The following IL1RAPL2 variants were observed in gnomAD, a reference collection of about 807,000 sequenced individuals.
IL1RAPL2 encodes the protein X-linked interleukin-1 receptor accessory protein-like 2.
In IL1RAPL2, 3 loss-of-function variants were observed where a neutral mutation model predicts 44.1. The ratio of observed to expected loss-of-function variants is 0.07; its 90% confidence interval spans 0.03 to 0.18. IL1RAPL2 has a LOEUF of 0.18. IL1RAPL2 is among the 10% of genes least tolerant of loss of function. IL1RAPL2 has a pLI of 1.00. For synonymous variants in IL1RAPL2, 181 were observed against 178.8 expected (o/e 1.01, Z -0.10); for missense variants, 391 against 496.4 (o/e 0.79, Z 2.02).
chrX:105,500,688 A>G (rs191574210), intron 6 of IL1RAPL2, among the ~76,000 whole-genome samples: 2 of 112,087 alleles, frequency 1.8e-5, no homozygotes, highest in East Asian at 5.6e-4. Flanking sequence ...AATCTCTTAC[A>G]TAACTCTCCC....
intron 6 of IL1RAPL2, among the ~76,000 whole-genome samples, chrX:105,679,476 A>AAAAG (rs778200983): frequency 8.9e-6 from 1 of 112,385 alleles, no homozygotes; most frequent in East Asian, 2.8e-4. Context: ...AATAAAAGTC[A>AAAAG]AAAGAGCTAA....
At chrX:104,789,284 G>A (rs761779237) in intron 2 of IL1RAPL2, among the ~76,000 whole-genome samples, 1 of 111,574 alleles carries the variant, frequency 9.0e-6, no homozygotes, top group South Asian at 3.8e-4. Flanking sequence ...TTCAACTCTT[G>A]CCCTCATCCC....
intron 2 of IL1RAPL2, among the ~76,000 whole-genome samples, chrX:105,177,713 G>T (rs1569398055): frequency 9.0e-6 from 1 of 111,237 alleles, no homozygotes; most frequent in African/African-American, 3.3e-5. Context: ...ACCCTATCTG[G>T]CTCTACTCCC....
chrX:104,946,840 A>T (rs1401821865), intron 2 of IL1RAPL2, among the ~76,000 whole-genome samples: 1 of 94,476 alleles, frequency 1.1e-5, no homozygotes, highest in Non-Finnish European at 2.1e-5. Flanking sequence ...GTTGGTTCCA[A>T]GTCTTTGCTA....
chrX:105,010,532 C>T (rs1049197230), intron 2 of IL1RAPL2, among the ~76,000 whole-genome samples: 1 of 111,433 alleles, frequency 9.0e-6, no homozygotes, highest in African/African-American at 3.2e-5. Context: ...GGCCATTTCC[C>T]CCACCTTAAT....
At chrX:105,191,020 G>T (rs2033628365) in intron 2 of IL1RAPL2, among the ~76,000 whole-genome samples, 1 of 112,061 alleles carries the variant, frequency 8.9e-6, no homozygotes, top group African/African-American at 3.2e-5. Context: ...AAAATAAATT[G>T]CATAGATGCT....
At position 105,233,901 on chromosome X, in the gene IL1RAPL2, G is replaced by C; in HGVS notation, c.440G>C (p.Arg147Pro). 8.3e-7 allele frequency: 1 copy of C among 1,209,744 alleles called. No homozygotes were observed. The highest frequency in any genetic ancestry group is 1.1e-6 in the Non-Finnish European group (1 of 893,734). The change falls in exon 4 of 11, where the codon CGC becomes CCC. Residue 147 changes from arginine to proline, a missense_variant. By Grantham distance (103) the Arg-to-Pro change is moderately radical. This residue lies in a region of IL1RAPL2 where 159 missense variants were observed against 251.7 expected (regional missense o/e 0.63). Coordinates refer to ENST00000372582, the MANE Select transcript of IL1RAPL2 (RefSeq NM_017416.2). ...ESGLCYNSRI[R>P]YLEKSEVTKR... ...GGCCTGTGCTACAACAGCAGGATCC[G>C]CTATTTAGAAAAATCTGAAGTCACT...
chrX:104,914,286 A>G (rs184594577), intron 2 of IL1RAPL2, among the ~76,000 whole-genome samples: 2 of 111,992 alleles, frequency 1.8e-5, no homozygotes, highest in East Asian at 5.7e-4. Context: ...TTGGTTAGAA[A>G]GGGTTACGCA....
At chrX:104,950,867 C>A (rs1011805133) in intron 2 of IL1RAPL2, among the ~76,000 whole-genome samples, 2 of 110,912 alleles carry the variant, frequency 1.8e-5, no homozygotes, top group Non-Finnish European at 3.8e-5. Flanking sequence ...GCCACCTCGC[C>A]CGGCTAATTC....
At chrX:104,690,996 G>A (rs914044186) in intron 2 of IL1RAPL2, among the ~76,000 whole-genome samples, 1 of 111,656 alleles carries the variant, frequency 9.0e-6, no homozygotes, top group Non-Finnish European at 1.9e-5. Flanking sequence ...ATTGGTTAAT[G>A]TCCAGGGGTA....
intron 6 of IL1RAPL2, among the ~76,000 whole-genome samples, chrX:105,627,978 A>G (rs2037465121): frequency 9.0e-6 from 1 of 111,413 alleles, no homozygotes; most frequent in Admixed American, 9.5e-5. Context: ...AGGCCAGACC[A>G]TGTCAGCAGA....
intron 5 of IL1RAPL2, among the ~76,000 whole-genome samples, chrX:105,417,867 G>A (rs1051264355): frequency 9.0e-6 from 1 of 111,660 alleles, no homozygotes; most frequent in Non-Finnish European, 1.9e-5. Context: ...AATATGACAC[G>A]TATGCTTACA....
At chrX:105,624,559 A>G (rs761472255) in intron 6 of IL1RAPL2, among the ~76,000 whole-genome samples, 1 of 111,770 alleles carries the variant, frequency 8.9e-6, no homozygotes, top group African/African-American at 3.3e-5. Flanking sequence ...GAGATCATCT[A>G]TACATAAGTA....
At chrX:105,241,686 T>A (rs373004451) in intron 4 of IL1RAPL2, among the ~76,000 whole-genome samples, 2 of 112,084 alleles carry the variant, frequency 1.8e-5, no homozygotes, top group Non-Finnish European at 3.8e-5. Flanking sequence ...TTTATTTCAA[T>A]GTTCAATTTA....
At chrX:105,482,769 A>G (rs777723963) in intron 5 of IL1RAPL2, among the ~76,000 whole-genome samples, 1 of 111,198 alleles carries the variant, frequency 9.0e-6, no homozygotes, top group Non-Finnish European at 1.9e-5. Context: ...AAGCTAGTCA[A>G]TTAATGGTGG....
At chrX:105,432,765 C>G (rs1175480039) in intron 5 of IL1RAPL2, among the ~76,000 whole-genome samples, 1 of 111,228 alleles carries the variant, frequency 9.0e-6, no homozygotes, top group African/African-American at 3.3e-5. Context: ...ATACCAATTT[C>G]AGAGTGCCAG....
intron 3 of IL1RAPL2, among the ~76,000 whole-genome samples, chrX:105,211,429 C>T (rs782731113): frequency 4.5e-5 from 5 of 110,895 alleles, no homozygotes; most frequent in South Asian, 3.9e-4. Context: ...ACTGCCATGT[C>T]GATTTGAGTC....
chrX:105,350,108 T>C (rs1171361643), intron 5 of IL1RAPL2, among the ~76,000 whole-genome samples: 2 of 112,177 alleles, frequency 1.8e-5, no homozygotes, highest in Non-Finnish European at 3.8e-5. Context: ...GCCTCAACTT[T>C]GGTGATAGCT....
intron 5 of IL1RAPL2, among the ~76,000 whole-genome samples, chrX:105,309,699 T>A (rs1383022232): frequency 9.7e-6 from 1 of 103,372 alleles, no homozygotes; most frequent in East Asian, 3.1e-4. Flanking sequence ...GCCACTGCAC[T>A]CCAGCCTGGC....
Sources: allele counts gnomAD v4.1 joint callset (sites outside exome capture counted in the v4.1 genomes callset), GRCh38; gene constraint gnomAD v4.1.1; regional missense constraint gnomAD v4.1.1; transcripts MANE v1.5; gene names NCBI Gene and HGNC (gene_info 2026-07-23, HGNC 2026-07-21).